Variants in TMBIM1 observed in about 807,000 individuals in gnomAD.
The protein encoded by TMBIM1 is protein lifeguard 3.
Under a neutral mutation model 45.1 loss-of-function variants are expected in TMBIM1, and 34 were observed. The ratio of observed to expected loss-of-function variants is 0.75; its 90% CI spans 0.57 to 1.00. The LOEUF is 1.00. TMBIM1 is among the 50% of genes least tolerant of loss of function. TMBIM1 has a pLI of 0.00. For synonymous variants in TMBIM1, 157 were observed against 153.5 expected, an observed-to-expected ratio of 1.02 and a Z score of -0.17; for missense variants, 374 against 402.4, an observed-to-expected ratio of 0.93 and a Z score of 0.60.
intron 9 of TMBIM1, 47 bp downstream of exon 9, chr2:218,277,319 A>C: frequency 6.4e-7 from 1 of 1,572,972 alleles, no homozygotes; most frequent in Non-Finnish European, 8.7e-7. Context: ...CGGGCCTGAT[A>C]AGAAAGGGGA....
At chr2:218,278,156 T>G in intron 6 of TMBIM1, 182 bp from the exon 7 acceptor site, 1 of 656,466 alleles carries the variant, frequency 1.5e-6, no homozygotes, top group Non-Finnish European at 2.6e-6. Flanking sequence ...CATGGGCCAA[T>G]GAGACAGACC....
At chr2:218,277,135 G>A (rs768759814) in intron 9 of TMBIM1, 36 bp from the exon 10 acceptor site, 29 of 1,580,416 alleles carry the variant, frequency 1.8e-5, no homozygotes, top group Non-Finnish European at 2.3e-5. Context: ...CTGTCAGATG[G>A]CTGTGACAAC....
intron 10 of TMBIM1, 138 bp from the exon 11 acceptor site, chr2:218,276,217 TC>T: frequency 1.1e-6 from 1 of 880,728 alleles, no homozygotes; most frequent in Non-Finnish European, 1.8e-6. Context: ...CTACTGCCTT[TC>T]CAGATCTTGG....
intron 2 of TMBIM1, 112 bp downstream of exon 2, chr2:218,281,828 G>A: frequency 2.2e-6 from 2 of 904,986 alleles, no homozygotes; most frequent in East Asian, 2.7e-5. Flanking sequence ...CAGAGAAGAT[G>A]AGAAAGGGAT....
Position 218,277,684 on chromosome 2 carries a change from A to G in TMBIM1, c.514-14T>C, listed in dbSNP as rs765136565. ...CATGGCAAAAGTCTAAGGGAAGGAGAGAGACAAGAATGAAACACTTAAAAA... is the reference window on the plus strand; with the variant it reads ...CATGGCAAAAGTCTAAGGGAAGGAGGGAGACAAGAATGAAACACTTAAAAA... On this transcript the variant is annotated splice_polypyrimidine_tract_variant and intron_variant, in intron 7 of 11. Coordinates refer to ENST00000258412, the MANE Select transcript of TMBIM1 (RefSeq NM_022152.6). The G allele has an allele frequency of 2.3e-5, 37 of 1,614,004 alleles. No homozygotes were observed. The highest frequency in any genetic ancestry group is 3.1e-5 in the Non-Finnish European group (36 of 1,179,996).
At chr2:218,281,233 G>A (rs529937218) in intron 2 of TMBIM1, among the ~76,000 whole-genome samples, 4 of 133,638 alleles carry the variant, frequency 3.0e-5, no homozygotes, top group African/African-American at 8.2e-5. Flanking sequence ...TCCTGGGATT[G>A]CAAGCGATTC....
chr2:218,282,993 C>A (rs1445599837), intron 1 of TMBIM1, among the ~76,000 whole-genome samples: 1 of 152,210 alleles, frequency 6.6e-6, no homozygotes, highest in East Asian at 1.9e-4. Context: ...CCCTCGCCCT[C>A]CCCCTTACCC....
chr2:218,277,836 A>G, intron 7 of TMBIM1, 99 bp downstream of exon 7: 2 of 1,568,510 alleles, frequency 1.3e-6, no homozygotes, highest in South Asian at 1.1e-5. Flanking sequence ...GGTGGAGGAG[A>G]CAGCCAGGAC....
At chr2:218,282,274 C>T (rs1184045127) in intron 1 of TMBIM1, 93 bp from the exon 2 acceptor site, 16 of 712,528 alleles carry the variant, frequency 2.2e-5, no homozygotes, top group Non-Finnish European at 8.7e-6. Flanking sequence ...AGGCTGCCTC[C>T]GTGGAGAGGA....
chr2:218,285,991 TA>T, intron 1 of TMBIM1: 1 of 154,838 alleles, frequency 6.5e-6, no homozygotes, highest in South Asian at 2.0e-4. Context: ...TAGCTATGTC[TA>T]AGGGTGGAGG....
intron 1 of TMBIM1, among the ~76,000 whole-genome samples, chr2:218,285,329 A>G (rs898448411): frequency 6.6e-6 from 1 of 152,162 alleles, no homozygotes; most frequent in African/African-American, 2.4e-5. Context: ...CTGACTCCCA[A>G]GCCCCTGCTC....
intron 2 of TMBIM1, 55 bp downstream of exon 2, chr2:218,281,885 C>A: frequency 6.9e-7 from 1 of 1,450,918 alleles, no homozygotes; most frequent in Non-Finnish European, 9.4e-7. Flanking sequence ...GTGGCCTCAT[C>A]TGCTCCAAGT....
intron 3 of TMBIM1, chr2:218,279,655 G>A (rs766224390): frequency 9.9e-5 from 48 of 483,776 alleles, no homozygotes; most frequent in Middle Eastern, 5.5e-4. Context: ...CAGTCTGCAC[G>A]CTCTATGCAG....
chr2:218,276,427 G>C (rs1200463405), intron 10 of TMBIM1, among the ~76,000 whole-genome samples: 1 of 152,166 alleles, frequency 6.6e-6, no homozygotes, highest in Non-Finnish European at 1.5e-5. Context: ...CCTGGGAGGG[G>C]TAGACTAAGG....
At chr2:218,281,141 G>GTTTTTTTTTTGTTTT in intron 2 of TMBIM1, 1 of 95,702 alleles carries the variant, frequency 1.0e-5, no homozygotes, top group Non-Finnish European at 1.8e-5. Context: ...TTTTTTTTTG[G>GTTTTTTTTTTGTTTT]TTTTTTTTTT....
chr2:218,277,193 A>G (rs1485191178), intron 9 of TMBIM1, 94 bp from the exon 10 acceptor site: 1 of 1,221,448 alleles, frequency 8.2e-7, no homozygotes, highest in African/African-American at 1.5e-5. Flanking sequence ...GCTGCCTCCT[A>G]GGGGGTATGG....
intron 1 of TMBIM1, among the ~76,000 whole-genome samples, chr2:218,282,932 G>A (rs557837589): frequency 2.6e-5 from 4 of 152,296 alleles, no homozygotes; most frequent in South Asian, 2.1e-4. Flanking sequence ...GGCAGCCTGC[G>A]ACCACAGCTG....
At chr2:218,276,941 G>C in intron 10 of TMBIM1, 63 bp downstream of exon 10, 3 of 1,401,758 alleles carry the variant, frequency 2.1e-6, no homozygotes, top group Non-Finnish European at 3.0e-6. Flanking sequence ...GCGAGACCAT[G>C]CTATATAGGA....
intron 11 of TMBIM1, 140 bp from the exon 12 acceptor site, chr2:218,275,761 C>G (rs1261595981): frequency 1.8e-6 from 2 of 1,095,892 alleles, no homozygotes; most frequent in Non-Finnish European, 2.6e-6. Flanking sequence ...CATATGGGCT[C>G]TATACTGTAG....
Sources: allele counts gnomAD v4.1 joint callset (sites outside exome capture counted in the v4.1 genomes callset), GRCh38; gene constraint gnomAD v4.1.1; transcripts MANE v1.5; gene names NCBI Gene and HGNC (gene_info 2026-07-23, HGNC 2026-07-21).